The following RAB3C variants were observed in gnomAD, a reference collection of about 807,000 sequenced individuals.
The protein encoded by RAB3C is ras-related protein Rab-3C.
A neutral mutation model predicts 26.4 loss-of-function variants in RAB3C; 17 were observed. The observed-to-expected ratio is 0.64, with a 90% CI of 0.44 to 0.97. RAB3C has a LOEUF of 0.97. Ranked by LOEUF, RAB3C falls within the 50% of genes least tolerant of loss-of-function variation. The pLI is 0.00. For synonymous variants in RAB3C, 91 were observed against 95.9 expected, an observed-to-expected ratio of 0.95 and a Z score of 0.30; for missense variants, 242 against 281.9, an observed-to-expected ratio of 0.86 and a Z score of 1.01.
At chr5:58,697,003 A>C (rs889355358) in intron 2 of RAB3C, among the ~76,000 whole-genome samples, 1 of 151,752 alleles carries the variant, frequency 6.6e-6, no homozygotes, top group Non-Finnish European at 1.5e-5. Context: ...TAGTTCTTTT[A>C]ATTGTGATGT....
intron 3 of RAB3C, among the ~76,000 whole-genome samples, chr5:58,730,134 C>A (rs897304294): frequency 6.6e-6 from 1 of 151,508 alleles, no homozygotes; most frequent in African/African-American, 2.4e-5. Context: ...TTTATCTTTT[C>A]GTTTTTCTTA....
chr5:58,847,292 A>G (rs147367810), intron 4 of RAB3C, among the ~76,000 whole-genome samples: 6 of 152,314 alleles, frequency 3.9e-5, no homozygotes, highest in African/African-American at 1.2e-4. Flanking sequence ...AGACTTCACA[A>G]TCGGCTTGCT....
chr5:58,795,830 A>G (rs1221772381), intron 3 of RAB3C, among the ~76,000 whole-genome samples: 1 of 134,844 alleles, frequency 7.4e-6, no homozygotes, highest in Non-Finnish European at 1.6e-5. Flanking sequence ...TAAGATATAG[A>G]GAAAGAGAAA....
At chr5:58,644,446 G>A (rs1459833441) in intron 2 of RAB3C, 2 of 152,106 alleles carry the variant, frequency 1.3e-5, no homozygotes, top group African/African-American at 4.8e-5. Context: ...ATGGTAGGTG[G>A]AAGATACAAA....
chr5:58,757,374 A>G (rs1325411065), intron 3 of RAB3C, among the ~76,000 whole-genome samples: 1 of 150,362 alleles, frequency 6.7e-6, no homozygotes, highest in African/African-American at 2.4e-5. Flanking sequence ...TACTTCTACA[A>G]CCTTTCTTTT....
intron 3 of RAB3C, among the ~76,000 whole-genome samples, chr5:58,777,208 T>C (rs1742162941): frequency 6.6e-6 from 1 of 152,140 alleles, no homozygotes; most frequent in Non-Finnish European, 1.5e-5. Context: ...GGATTCCTAC[T>C]GCTTGCATCC....
intron 2 of RAB3C, among the ~76,000 whole-genome samples, chr5:58,718,359 T>C (rs1579876909): frequency 6.6e-6 from 1 of 152,166 alleles, no homozygotes; most frequent in East Asian, 1.9e-4. Context: ...CTGAAAACCA[T>C]CTCCAACTTT....
At chr5:58,757,435 G>A (rs572935686) in intron 3 of RAB3C, among the ~76,000 whole-genome samples, 2 of 152,136 alleles carry the variant, frequency 1.3e-5, no homozygotes, top group African/African-American at 2.4e-5. Flanking sequence ...TGGAAGAATG[G>A]ATTACTGCCA....
chr5:58,807,172 T>A (rs2112034383), intron 3 of RAB3C, among the ~76,000 whole-genome samples: 1 of 152,294 alleles, frequency 6.6e-6, no homozygotes, highest in South Asian at 2.1e-4. Context: ...TTGCTTTTCC[T>A]GGGATGATTT....
At position 58,612,659 on chromosome 5, in the gene RAB3C, C is replaced by T. The variant is rs145980983; in HGVS notation, c.25-4984C>T. 3.2e-3 allele frequency among the ~76,000 whole-genome samples: 478 copies of T among 150,892 alleles called. 2 individuals carry two copies. The highest frequency in any genetic ancestry group is 0.011 in the African/African-American group (441 of 41,066). On this transcript the variant is annotated intron_variant, in intron 1 of 4. Transcript: ENST00000282878. Reference sequence around the variant, plus strand: ...TGTTTAGGAATACTAGTGATTTTTGCGCATTAATATTTTTGTATCACGAGA... The same window carrying T: ...TGTTTAGGAATACTAGTGATTTTTGTGCATTAATATTTTTGTATCACGAGA...
intron 2 of RAB3C, chr5:58,647,482 C>G (rs1441994299): frequency 3.2e-3 from 4 of 1,254 alleles, no homozygotes; most frequent in African/African-American, 0.015. Context: ...AATCACCTCC[C>G]TCCCACTGGG....
intron 3 of RAB3C, among the ~76,000 whole-genome samples, chr5:58,813,588 ATATT>A (rs1178603106): frequency 5.5e-5 from 2 of 36,232 alleles, no homozygotes; most frequent in East Asian, 4.2e-4. Context: ...ATTTATATTT[ATATT>A]TATATATATA....
At chr5:58,847,345 C>T (rs889193391) in intron 4 of RAB3C, among the ~76,000 whole-genome samples, 12 of 152,198 alleles carry the variant, frequency 7.9e-5, no homozygotes, top group African/African-American at 2.9e-4. Context: ...GAACCACACT[C>T]TTCTACCCAG....
chr5:58,850,509 T>C (rs948369372), intron 4 of RAB3C, among the ~76,000 whole-genome samples: 1 of 152,178 alleles, frequency 6.6e-6, no homozygotes, highest in Non-Finnish European at 1.5e-5. Flanking sequence ...TCCTTTTAGA[T>C]ACTGACAATT....
At chr5:58,671,732 A>G (rs1748122479) in intron 2 of RAB3C, among the ~76,000 whole-genome samples, 1 of 152,226 alleles carries the variant, frequency 6.6e-6, no homozygotes, top group Non-Finnish European at 1.5e-5. Flanking sequence ...TTATGTGACC[A>G]AACTTTGAGG....
chr5:58,661,062 C>T (rs776753801), intron 2 of RAB3C, among the ~76,000 whole-genome samples: 1 of 150,010 alleles, frequency 6.7e-6, no homozygotes, highest in Non-Finnish European at 1.5e-5. Context: ...GTTCCTGCCT[C>T]CCCAAAATTC....
chr5:58,609,187 A>G (rs565752065), intron 1 of RAB3C, among the ~76,000 whole-genome samples: 8 of 152,210 alleles, frequency 5.3e-5, no homozygotes, highest in Non-Finnish European at 1.2e-4. Context: ...TTAAAGTATA[A>G]TAAAGAAAAG....
At chr5:58,672,169 G>C (rs1748131666) in intron 2 of RAB3C, among the ~76,000 whole-genome samples, 1 of 152,142 alleles carries the variant, frequency 6.6e-6, no homozygotes. Flanking sequence ...ATGGGATAAA[G>C]TAAAAACAGC....
intron 1 of RAB3C, among the ~76,000 whole-genome samples, chr5:58,617,063 A>G (rs578056563): frequency 6.6e-6 from 1 of 152,318 alleles, no homozygotes; most frequent in South Asian, 2.1e-4. Context: ...GGATTAAATA[A>G]GTTAGTATCC....
Sources: allele counts gnomAD v4.1 joint callset (sites outside exome capture counted in the v4.1 genomes callset), GRCh38; gene constraint gnomAD v4.1.1; transcripts MANE v1.5; gene names NCBI Gene and HGNC (gene_info 2026-07-23, HGNC 2026-07-21).